Variants in HTR7 observed in about 807,000 individuals in gnomAD.
HTR7 encodes the protein 5-HT-7.
A neutral mutation model predicts 34.0 loss-of-function variants in HTR7; 16 were observed. The ratio of observed to expected loss-of-function variants is 0.47; its 90% CI spans 0.32 to 0.71. The LOEUF is 0.71. HTR7 is among the 30% of genes least tolerant of loss of function. The pLI is 0.04. For missense variants in HTR7, 504 were observed against 625.5 expected (o/e 0.81, Z 2.07); for synonymous variants, 265 against 260.2 (o/e 1.02, Z -0.18).
chr10:90,797,618 C>T (rs189958730), intron 1 of HTR7, among the ~76,000 whole-genome samples: 51 of 152,276 alleles, frequency 3.3e-4, no homozygotes, highest in Non-Finnish European at 4.0e-4. Flanking sequence ...ATAAATGATG[C>T]TAATTCTCTG....
At chr10:90,855,025 T>A (rs1435753198) in intron 1 of HTR7, among the ~76,000 whole-genome samples, 1 of 152,246 alleles carries the variant, frequency 6.6e-6, no homozygotes, top group Non-Finnish European at 1.5e-5. Flanking sequence ...CATTTTTAGT[T>A]CTCAGTGTTC....
intron 1 of HTR7, among the ~76,000 whole-genome samples, chr10:90,755,174 G>A (rs1470310817): frequency 6.6e-6 from 1 of 152,136 alleles, no homozygotes; most frequent in Non-Finnish European, 1.5e-5. Flanking sequence ...TTACTTTACT[G>A]TATATTTCAT....
chr10:90,765,598 T>C (rs77178124), intron 1 of HTR7, among the ~76,000 whole-genome samples: 184 of 152,188 alleles, frequency 1.2e-3, no homozygotes, highest in African/African-American at 4.3e-3. Context: ...TCATAATTCC[T>C]TGACATATAA....
chr10:90,769,828 CTA>C (rs1845078779), intron 1 of HTR7, among the ~76,000 whole-genome samples: 1 of 152,210 alleles, frequency 6.6e-6, no homozygotes, highest in South Asian at 2.1e-4. Context: ...AAAAATAAAA[CTA>C]TTATTATTTA....
chr10:90,789,755 TA>T (rs1845436843), intron 1 of HTR7, among the ~76,000 whole-genome samples: 1 of 152,212 alleles, frequency 6.6e-6, no homozygotes, highest in Non-Finnish European at 1.5e-5. Flanking sequence ...CTGTGGTGGC[TA>T]AACATTTGGA....
At chr10:90,852,583 T>C (rs1182665683) in intron 1 of HTR7, among the ~76,000 whole-genome samples, 2 of 152,202 alleles carry the variant, frequency 1.3e-5, no homozygotes, top group Admixed American at 1.3e-4. Flanking sequence ...AGCCAGAAAC[T>C]AGAAAAAAAC....
At chr10:90,755,264 G>C (rs943917541) in intron 1 of HTR7, among the ~76,000 whole-genome samples, 1 of 152,076 alleles carries the variant, frequency 6.6e-6, no homozygotes, top group Non-Finnish European at 1.5e-5. Flanking sequence ...AGATTTCCCA[G>C]TCCTGTGCTA....
At chr10:90,791,100 G>T (rs566716471) in intron 1 of HTR7, among the ~76,000 whole-genome samples, 4 of 152,014 alleles carry the variant, frequency 2.6e-5, no homozygotes, top group Admixed American at 2.0e-4. Context: ...GCAGGGTTCA[G>T]AAAACTTTGT....
intron 1 of HTR7, among the ~76,000 whole-genome samples, chr10:90,762,930 A>T (rs931946668): frequency 6.6e-6 from 1 of 152,210 alleles, no homozygotes; most frequent in African/African-American, 2.4e-5. Flanking sequence ...CTTGTCCATT[A>T]TAAGTTGACC....
intron 1 of HTR7, among the ~76,000 whole-genome samples, chr10:90,774,522 T>C (rs1023348707): frequency 6.7e-6 from 1 of 149,434 alleles, no homozygotes; most frequent in Non-Finnish European, 1.5e-5. Context: ...AATTTTGTTA[T>C]GACATAGCAT....
intron 1 of HTR7, among the ~76,000 whole-genome samples, chr10:90,802,995 C>CTTTTTTTTTTT (rs1554855564): frequency 2.4e-5 from 3 of 124,668 alleles, no homozygotes; most frequent in Admixed American, 8.0e-5. Flanking sequence ...CCATTTGTGG[C>CTTTTTTTTTTT]CTTTTTTTTT....
Position 90,742,353 on chromosome 10 carries a change from C to T in HTR7, c.*129G>A. On this transcript the variant is annotated 3_prime_UTR_variant, in exon 4 of 4. Coordinates refer to ENST00000336152, the MANE Select transcript of HTR7 (RefSeq NM_019859.4). ...AAGATAGTGTGTACAACAGATCACCCTGTTTGTCATGTTTTAGACATCCCA... is the reference window on the plus strand; with the variant it reads ...AAGATAGTGTGTACAACAGATCACCTTGTTTGTCATGTTTTAGACATCCCA... 1 of 676,492 alleles carries T rather than the reference C, an allele frequency of 1.5e-6. No homozygotes were observed. Among genetic ancestry groups the T allele is most frequent in the South Asian group, 1.8e-5 (1 of 55,914 alleles). 41.9% of individuals were successfully genotyped at this position (676,492 alleles called of 1,614,324 possible).
intron 1 of HTR7, among the ~76,000 whole-genome samples, chr10:90,804,029 G>A (rs1845667470): frequency 1.3e-5 from 2 of 152,132 alleles, no homozygotes; most frequent in South Asian, 2.1e-4. Flanking sequence ...AGAGCAGTGT[G>A]GCAGAGAAGG....
chr10:90,760,197 T>C (rs7912164), intron 1 of HTR7, among the ~76,000 whole-genome samples: 35,194 of 152,146 alleles, frequency 0.23, 4,331 homozygotes, highest in African/African-American at 0.32. Context: ...AGGGAAAGCC[T>C]GTTGTTCACA....
At chr10:90,799,500 C>T (rs1399822456) in intron 1 of HTR7, among the ~76,000 whole-genome samples, 4 of 152,102 alleles carry the variant, frequency 2.6e-5, no homozygotes, top group Non-Finnish European at 5.9e-5. Flanking sequence ...CCTAACAGCC[C>T]CAGCTGTCCA....
chr10:90,812,576 C>T (rs541840416), intron 1 of HTR7, among the ~76,000 whole-genome samples: 168 of 152,286 alleles, frequency 1.1e-3, no homozygotes, highest in Non-Finnish European at 2.1e-3. Context: ...ACCAATCATT[C>T]TATACAACAA....
chr10:90,839,488 T>C (rs1487140131), intron 1 of HTR7, among the ~76,000 whole-genome samples: 1 of 152,160 alleles, frequency 6.6e-6, no homozygotes, highest in Admixed American at 6.5e-5. Flanking sequence ...TAGCTGCCTC[T>C]CTTTTAGAGA....
At position 90,843,611 on chromosome 10, in the gene HTR7, G is replaced by A. The variant is rs143298668; in HGVS notation, c.539+13522C>T. 5.4e-3 allele frequency among the ~76,000 whole-genome samples: 815 copies of A among 152,222 alleles called. 5 individuals are homozygous for A. The highest frequency in any genetic ancestry group is 9.0e-3 in the Non-Finnish European group (612 of 68,022). ...AAGAAGACCAGAATTGCCAAAATAC[G>A]GGGAGGAGAGGCAGTATGGTACATG... On this transcript the variant is annotated intron_variant, in intron 1 of 3. Coordinates refer to ENST00000336152, the MANE Select transcript of HTR7 (RefSeq NM_019859.4).
At chr10:90,774,110 T>C (rs1336937216) in intron 1 of HTR7, among the ~76,000 whole-genome samples, 2 of 151,722 alleles carry the variant, frequency 1.3e-5, no homozygotes, top group African/African-American at 4.8e-5. Context: ...AATGGCTCAC[T>C]GAATAAAAAA....
Sources: gnomAD v4.1 joint callset for allele counts (sites outside exome capture counted in the v4.1 genomes callset) on GRCh38, gnomAD v4.1.1 for gene constraint, MANE v1.5 for transcripts, NCBI Gene and HGNC (gene_info 2026-07-23, HGNC 2026-07-21) for gene names.